The following KCNQ5 variants were observed in gnomAD, a reference collection of about 807,000 sequenced individuals.
KCNQ5 encodes potassium voltage-gated channel subfamily Q member 5.
KCNQ5 carries 30 observed loss-of-function variants against 98.2 expected under a neutral mutation model. That is an observed-to-expected ratio of 0.31 (90% CI 0.23 to 0.41). The LOEUF is 0.41. Among genes scored for constraint, KCNQ5 ranks in the 10% least tolerant of loss-of-function variants. The pLI is 1.00. For synonymous variants in KCNQ5, 458 were observed against 449.4 expected (o/e 1.02, Z -0.24); for missense variants, 835 against 1,182.5 (o/e 0.71, Z 4.31).
intron 11 of KCNQ5, among the ~76,000 whole-genome samples, chr6:73,190,100 TC>T (rs1186290495): frequency 7.2e-5 from 11 of 152,032 alleles, no homozygotes; most frequent in Non-Finnish European, 1.3e-4. Context: ...AACACAAATT[TC>T]CATATTAATG....
At position 72,778,132 on chromosome 6, in the gene KCNQ5, T is replaced by C. The variant is rs555005076; in HGVS notation, c.398+155545T>C. 2.0e-5 allele frequency among the ~76,000 whole-genome samples: 3 copies of C among 152,254 alleles called. No individual in the cohort carries two copies. In the South Asian group the frequency reaches 6.2e-4, roughly 32 times the overall value. On this transcript the variant is annotated intron_variant, in intron 1 of 13. Coordinates refer to ENST00000370398, the MANE Select transcript of KCNQ5 (RefSeq NM_019842.4). ...AAGAATGTCAGGCCAAAGATGAAGGTCACAGGGTCACCAGCACTTGAAGTA... is the reference window on the plus strand; with the variant it reads ...AAGAATGTCAGGCCAAAGATGAAGGCCACAGGGTCACCAGCACTTGAAGTA...
chr6:72,814,854 A>C (rs1775423053), intron 1 of KCNQ5, among the ~76,000 whole-genome samples: 1 of 152,178 alleles, frequency 6.6e-6, no homozygotes, highest in African/African-American at 2.4e-5. Flanking sequence ...CCTCACTTAG[A>C]GTTTTAAGTA....
At chr6:72,623,580 G>GTTACGT (rs1300642227) in intron 1 of KCNQ5, among the ~76,000 whole-genome samples, 1 of 152,122 alleles carries the variant, frequency 6.6e-6, no homozygotes, top group Non-Finnish European at 1.5e-5. Context: ...TCCTATTAGA[G>GTTACGT]TTACGTTTAT....
rs1305332486 is a variant in KCNQ5, at chr6:72,632,448, T to C, written c.398+9861T>C. Among the ~76,000 whole-genome samples, 9 of 152,236 alleles carry C rather than the reference T, an allele frequency of 5.9e-5. No homozygotes were observed. In the East Asian group the frequency reaches 1.7e-3, roughly 29 times the overall value. ...GAGCCACCGCGCCTGGCCAGTTTTT[T>C]TTTCTTTTTTTAAAAAATCAACTTT... On this transcript the variant is annotated intron_variant, in intron 1 of 13. Coordinates refer to ENST00000370398, the MANE Select transcript of KCNQ5 (RefSeq NM_019842.4).
intron 2 of KCNQ5, among the ~76,000 whole-genome samples, chr6:73,040,253 C>T (rs1771630927): frequency 6.6e-6 from 1 of 152,124 alleles, no homozygotes; most frequent in Admixed American, 6.5e-5. Context: ...GGGGCTCAGG[C>T]CACATTTGGG....
At chr6:72,666,222 TAAAG>T (rs55879560) in intron 1 of KCNQ5, among the ~76,000 whole-genome samples, 73,854 of 151,594 alleles carry the variant, frequency 0.49, 21,162 homozygotes, top group Non-Finnish European at 0.65. Context: ...TAATGATAAA[TAAAG>T]AGAGATATAC....
At chr6:72,880,489 G>A (rs1310401169) in intron 1 of KCNQ5, among the ~76,000 whole-genome samples, 2 of 152,126 alleles carry the variant, frequency 1.3e-5, no homozygotes, top group Non-Finnish European at 2.9e-5. Context: ...TTCAGGTTTT[G>A]ACATACGAAT....
chr6:73,113,405 A>G (rs1265921657), intron 7 of KCNQ5, among the ~76,000 whole-genome samples: 1 of 152,214 alleles, frequency 6.6e-6, no homozygotes, highest in East Asian at 1.9e-4. Context: ...TCTTTGAGGA[A>G]TTTCTCATGC....
At chr6:72,749,462 T>A (rs1771567611) in intron 1 of KCNQ5, among the ~76,000 whole-genome samples, 1 of 151,596 alleles carries the variant, frequency 6.6e-6, no homozygotes, top group Non-Finnish European at 1.5e-5. Flanking sequence ...GTGGAAAAAT[T>A]AAAAAAAAAT....
intron 11 of KCNQ5, among the ~76,000 whole-genome samples, chr6:73,171,007 G>T (rs1251032622): frequency 1.3e-5 from 2 of 152,142 alleles, no homozygotes; most frequent in Non-Finnish European, 2.9e-5. Context: ...AATCTTGAAT[G>T]TTAGCATGAT....
intron 1 of KCNQ5, among the ~76,000 whole-genome samples, chr6:72,890,913 A>G (rs1346895368): frequency 6.6e-6 from 1 of 152,236 alleles, no homozygotes; most frequent in Non-Finnish European, 1.5e-5. Flanking sequence ...CTATCCAAGT[A>G]TCTGCAAAAC....
At chr6:72,682,116 T>C (rs1767738415) in intron 1 of KCNQ5, among the ~76,000 whole-genome samples, 1 of 152,228 alleles carries the variant, frequency 6.6e-6, no homozygotes, top group African/African-American at 2.4e-5. Flanking sequence ...TTAGATATTT[T>C]AATGCTTGGC....
chr6:73,154,460 T>C (rs1041536207), intron 10 of KCNQ5, among the ~76,000 whole-genome samples: 5 of 152,208 alleles, frequency 3.3e-5, no homozygotes, highest in Admixed American at 2.6e-4. Context: ...TATTTAGATT[T>C]CCATTAGTGT....
At chr6:72,869,343 C>G (rs910966842) in intron 1 of KCNQ5, among the ~76,000 whole-genome samples, 2 of 152,098 alleles carry the variant, frequency 1.3e-5, no homozygotes, top group Admixed American at 1.3e-4. Context: ...ACACTACAGG[C>G]GAGGGTCATT....
At chr6:72,997,780 C>G (rs1769374127) in intron 1 of KCNQ5, among the ~76,000 whole-genome samples, 1 of 47,386 alleles carries the variant, frequency 2.1e-5, no homozygotes, top group African/African-American at 1.1e-4. Flanking sequence ...AAGACTCTGT[C>G]TCAAAAAAAA....
chr6:72,868,537 A>G (rs896325698), intron 1 of KCNQ5, among the ~76,000 whole-genome samples: 10 of 152,288 alleles, frequency 6.6e-5, no homozygotes, highest in African/African-American at 2.4e-4. Context: ...GAGTGGACCT[A>G]GCTGCAATGG....
chr6:73,131,424 TAAAATC>T (rs538561033), intron 9 of KCNQ5, among the ~76,000 whole-genome samples: 53 of 152,232 alleles, frequency 3.5e-4, no homozygotes, highest in African/African-American at 1.3e-3. Flanking sequence ...AGGTAATAGA[TAAAATC>T]AAATATAGTG....
intron 1 of KCNQ5, among the ~76,000 whole-genome samples, chr6:72,717,474 G>A (rs1405431265): frequency 1.3e-5 from 2 of 152,102 alleles, no homozygotes; most frequent in Non-Finnish European, 1.5e-5. Flanking sequence ...AGAGAAATGG[G>A]TGACCACTCT....
At chr6:73,187,564 TGA>T (rs1180074047) in intron 11 of KCNQ5, among the ~76,000 whole-genome samples, 1 of 152,216 alleles carries the variant, frequency 6.6e-6, no homozygotes, top group Non-Finnish European at 1.5e-5. Context: ...AAGAGTGGTA[TGA>T]TGTATAAAAA....
Sources: allele counts gnomAD v4.1 joint callset (sites outside exome capture counted in the v4.1 genomes callset), GRCh38; gene constraint gnomAD v4.1.1; transcripts MANE v1.5; gene names NCBI Gene and HGNC (gene_info 2026-07-23, HGNC 2026-07-21).